Variants in CDYL observed in about 807,000 individuals in gnomAD.
CDYL encodes the protein chromodomain Y-like protein.
A neutral mutation model predicts 47.3 loss-of-function variants in CDYL; 8 were observed. The ratio of observed to expected loss-of-function variants is 0.17; its 90% CI spans 0.10 to 0.31. CDYL has a LOEUF of 0.31. Among genes scored for constraint, CDYL ranks in the 10% least tolerant of loss-of-function variants. CDYL has a pLI of 1.00. For synonymous variants in CDYL, 266 were observed against 265.0 expected (o/e 1.00, Z -0.04); for missense variants, 471 against 701.4 (o/e 0.67, Z 3.71).
At chr6:4,867,768 TG>T (rs200724113) in intron 1 of CDYL, among the ~76,000 whole-genome samples, 1 of 142,712 alleles carries the variant, frequency 7.0e-6, no homozygotes, top group African/African-American at 2.9e-5. Context: ...TAGGTTGTTG[TG>T]GGGTTTTTTT....
At chr6:4,721,931 C>T (rs565595713) in intron 2 of CDYL, among the ~76,000 whole-genome samples, 3 of 151,356 alleles carry the variant, frequency 2.0e-5, no homozygotes, top group Non-Finnish European at 4.4e-5. Flanking sequence ...AGCGTGATTT[C>T]GGCTCACTGC....
intron 1 of CDYL, among the ~76,000 whole-genome samples, chr6:4,843,429 A>G (rs1200363951): frequency 1.3e-5 from 2 of 150,784 alleles, no homozygotes; most frequent in African/African-American, 4.9e-5. Flanking sequence ...AAACTTTTAG[A>G]TTTCTCTTCT....
intron 2 of CDYL, among the ~76,000 whole-genome samples, chr6:4,934,076 A>G (rs1296225340): frequency 6.6e-6 from 1 of 152,210 alleles, no homozygotes; most frequent in African/African-American, 2.4e-5. Flanking sequence ...AAGATACAGC[A>G]TCTTATACTA....
rs1160021909 is a variant in CDYL, at chr6:4,953,658, TG to T, written c.1477-239del. Among the ~76,000 whole-genome samples the T allele has an allele frequency of 2.0e-5, 3 of 152,190 alleles. No individual in the cohort carries two copies. The East Asian group carries it at 5.8e-4, about 29-fold the overall frequency. ...GGGCCGAGGCTGCTCACAGGCTGGG[TG>T]CCGACAGCCCAGCTCTCCTTTGAAA... On this transcript the variant is annotated intron_variant, in intron 6 of 6. Coordinates refer to ENST00000397588, the MANE Select transcript of CDYL (RefSeq NM_004824.4).
rs905905576 is a variant in CDYL, at chr6:4,952,560, C to T, written c.1476+151C>T. ...GAAGTCCTGCCAGAACCTATTGCCG[C>T]CACTGCCCCCACGCACGCCTTGCCT... On this transcript the variant is annotated intron_variant, in intron 6 of 6. Coordinates refer to ENST00000397588, the MANE Select transcript of CDYL (RefSeq NM_004824.4). The T allele has an allele frequency of 3.9e-6, 3 of 762,992 alleles. No individual in the cohort carries two copies. In the East Asian group the frequency reaches 9.1e-5, roughly 23 times the overall value. The allele number at this position is 762,992 out of a possible 1,614,324, so 47.3% of individuals were successfully genotyped here.
At chr6:4,922,660 A>G (rs1757751094) in intron 2 of CDYL, among the ~76,000 whole-genome samples, 1 of 152,094 alleles carries the variant, frequency 6.6e-6, no homozygotes, top group African/African-American at 2.4e-5. Context: ...TATCATTGTT[A>G]TTTATCTGTG....
chr6:4,935,368 G>A, intron 2 of CDYL, 147 bp from the exon 3 acceptor site: 6 of 710,282 alleles, frequency 8.4e-6, no homozygotes, highest in Non-Finnish European at 1.4e-5. Context: ...GTAGACTTTG[G>A]CTTTCTAAAG....
intron 2 of CDYL, among the ~76,000 whole-genome samples, chr6:4,896,379 A>G (rs977577281): frequency 2.6e-5 from 4 of 152,218 alleles, no homozygotes; most frequent in Admixed American, 6.5e-5. Flanking sequence ...TTTCCAGACT[A>G]AATCGAACTG....
At chr6:4,724,154 C>T (rs1342630077) in intron 2 of CDYL, among the ~76,000 whole-genome samples, 1 of 152,160 alleles carries the variant, frequency 6.6e-6, no homozygotes, top group African/African-American at 2.4e-5. Context: ...GATTCTCCTG[C>T]CTCAGCTTCC....
At chr6:4,708,495 A>G (rs914093678) in intron 1 of CDYL, among the ~76,000 whole-genome samples, 1 of 152,110 alleles carries the variant, frequency 6.6e-6, no homozygotes, top group African/African-American at 2.4e-5. Context: ...CATTCATATC[A>G]ATGAATAAAC....
intron 5 of CDYL, among the ~76,000 whole-genome samples, chr6:4,951,891 G>A (rs570536652): frequency 1.6e-3 from 249 of 152,208 alleles, no homozygotes; most frequent in African/African-American, 5.8e-3. Flanking sequence ...GGGAAGGGCC[G>A]GCATTAGGGG....
chr6:4,791,819 C>T (rs1758927942), intron 1 of CDYL, among the ~76,000 whole-genome samples: 1 of 151,548 alleles, frequency 6.6e-6, no homozygotes, highest in African/African-American at 2.4e-5. Context: ...ATTTCATAAA[C>T]ACAGAATCGT....
At chr6:4,720,645 C>T (rs912323659) in intron 2 of CDYL, among the ~76,000 whole-genome samples, 1 of 152,126 alleles carries the variant, frequency 6.6e-6, no homozygotes, top group East Asian at 1.9e-4. Context: ...TTTTAAATAA[C>T]TTGTCCAACT....
chr6:4,759,016 G>A (rs1758126553), intron 3 of CDYL, among the ~76,000 whole-genome samples: 1 of 140,082 alleles, frequency 7.1e-6, no homozygotes, highest in Non-Finnish European at 1.5e-5. Flanking sequence ...CTCCCAGGCT[G>A]GAGTGCAGTG....
At chr6:4,707,633 T>A (rs1757070843) in intron 1 of CDYL, among the ~76,000 whole-genome samples, 1 of 152,220 alleles carries the variant, frequency 6.6e-6, no homozygotes, top group African/African-American at 2.4e-5. Context: ...TACCTGGGCA[T>A]TCAAGACCTT....
chr6:4,736,299 C>A (rs192706288), intron 3 of CDYL, among the ~76,000 whole-genome samples: 1 of 152,180 alleles, frequency 6.6e-6, no homozygotes, highest in Non-Finnish European at 1.5e-5. Context: ...TATGAAAACA[C>A]GTGTGCTTTC....
At chr6:4,891,151 G>T (rs774815161) in intron 1 of CDYL, among the ~76,000 whole-genome samples, 1 of 152,150 alleles carries the variant, frequency 6.6e-6, no homozygotes, top group Non-Finnish European at 1.5e-5. Flanking sequence ...TAACCTGATC[G>T]CTCTAGACTG....
At chr6:4,902,578 A>G (rs1757101544) in intron 2 of CDYL, among the ~76,000 whole-genome samples, 1 of 152,136 alleles carries the variant, frequency 6.6e-6, no homozygotes, top group Non-Finnish European at 1.5e-5. Context: ...CCAGCTCTGT[A>G]CTTCCTCTTT....
intron 5 of CDYL, among the ~76,000 whole-genome samples, chr6:4,949,826 T>C (rs1758642426): frequency 6.6e-6 from 1 of 152,232 alleles, no homozygotes; most frequent in African/African-American, 2.4e-5. Context: ...TTTTCTTGGG[T>C]GACTGTCGTT....
Sources: allele counts gnomAD v4.1 joint callset (sites outside exome capture counted in the v4.1 genomes callset), GRCh38; gene constraint gnomAD v4.1.1; transcripts MANE v1.5; gene names NCBI Gene and HGNC (gene_info 2026-07-23, HGNC 2026-07-21).